The following SGSM1 variants were observed in gnomAD, a reference collection of about 807,000 sequenced individuals.
SGSM1 encodes small G protein signaling modulator 1.
Under a neutral mutation model 133.8 loss-of-function variants are expected in SGSM1, and 73 were observed. The ratio of observed to expected loss-of-function variants is 0.55; its 90% CI spans 0.45 to 0.66. The LOEUF (loss-of-function observed/expected upper bound fraction) is 0.66. Ranked by LOEUF, SGSM1 falls within the 30% of genes least tolerant of loss-of-function variation. The pLI is 0.00. For missense variants in SGSM1, 1,213 were observed against 1,448.1 expected (o/e 0.84, Z 2.64); for synonymous variants, 563 against 573.0 (o/e 0.98, Z 0.25).
chr22:24,893,114 C>T (rs991042670), intron 16 of SGSM1, among the ~76,000 whole-genome samples: 4 of 151,912 alleles, frequency 2.6e-5, no homozygotes, highest in Non-Finnish European at 5.9e-5. Flanking sequence ...TAGAAACAGT[C>T]TTCTCACTTT....
chr22:24,916,730 A>G (rs904410509), intron 22 of SGSM1, among the ~76,000 whole-genome samples: 8 of 152,132 alleles, frequency 5.3e-5, no homozygotes, highest in African/African-American at 1.9e-4. Context: ...TTACGAGATA[A>G]TATTAAATTA....
chr22:24,849,501 C>T (rs745527703), intron 4 of SGSM1, among the ~76,000 whole-genome samples: 16 of 152,022 alleles, frequency 1.1e-4, no homozygotes, highest in Admixed American at 2.0e-4. Context: ...TGTGGTGAGC[C>T]GAATTGTGCC....
chr22:24,841,048 C>T (rs1016994937), intron 2 of SGSM1, among the ~76,000 whole-genome samples: 12 of 152,036 alleles, frequency 7.9e-5, no homozygotes, highest in African/African-American at 2.7e-4. Context: ...GACGGGGTTT[C>T]ACCGTGTTAG....
intron 16 of SGSM1, among the ~76,000 whole-genome samples, chr22:24,893,082 A>AG (rs901858494): frequency 3.1e-4 from 43 of 136,968 alleles, no homozygotes; most frequent in South Asian, 7.9e-4. Context: ...AAGGAAGCGG[A>AG]GGGGGGGGAG....
chr22:24,921,077 T>C (rs9620460), intron 24 of SGSM1, among the ~76,000 whole-genome samples: 29,256 of 152,052 alleles, frequency 0.19, 2,926 homozygotes, highest in South Asian at 0.28. Context: ...TTTCACTTAA[T>C]ATTTCAACTA....
chr22:24,808,648 A>C (rs757440555), intron 2 of SGSM1, among the ~76,000 whole-genome samples: 1 of 152,202 alleles, frequency 6.6e-6, no homozygotes, highest in Non-Finnish European at 1.5e-5. Context: ...CATCTGGGGA[A>C]GGCTCTGGCT....
chr22:24,897,861 G>T, intron 18 of SGSM1, 111 bp from the exon 19 acceptor site: 3 of 940,576 alleles, frequency 3.2e-6, no homozygotes, highest in Non-Finnish European at 4.9e-6. Flanking sequence ...TCCACTGCAT[G>T]CTTGATCCAT....
rs374936676 is a variant in SGSM1 at position 24,859,701 on chromosome 22, C to G, written c.802-15C>G. On this transcript the variant is annotated splice_polypyrimidine_tract_variant and intron_variant, in intron 8 of 24. Coordinates refer to ENST00000400358, the MANE Select transcript of SGSM1 (RefSeq NM_001098497.3). ...CCAGCACCATGGCCAGACCTGAGTC[C>G]TCCTCTCTCTGCAGAGGGACGACAT... 1.5e-5 allele frequency: 25 copies of G among 1,613,376 alleles called. No homozygotes were observed. In the Middle Eastern group the frequency reaches 4.9e-4, roughly 32 times the overall value.
chr22:24,808,822 G>T (rs551818791), intron 2 of SGSM1, among the ~76,000 whole-genome samples: 1 of 152,264 alleles, frequency 6.6e-6, no homozygotes, highest in Non-Finnish European at 1.5e-5. Context: ...CTCAAAGAGG[G>T]GGAATAACTT....
intron 9 of SGSM1, among the ~76,000 whole-genome samples, chr22:24,862,248 C>A (rs1337076644): frequency 2.0e-5 from 3 of 152,174 alleles, no homozygotes; most frequent in African/African-American, 7.2e-5. Flanking sequence ...CCGCACCCGG[C>A]CACCCAGAGT....
intron 9 of SGSM1, among the ~76,000 whole-genome samples, chr22:24,861,600 T>C (rs962469093): frequency 1.3e-5 from 2 of 151,950 alleles, no homozygotes; most frequent in Non-Finnish European, 1.5e-5. Context: ...CAGGCTGGAA[T>C]GCAGTGGCGC....
At chr22:24,894,307 C>T (rs1347362436) in intron 17 of SGSM1, among the ~76,000 whole-genome samples, 1 of 152,206 alleles carries the variant, frequency 6.6e-6, no homozygotes, top group Non-Finnish European at 1.5e-5. Context: ...GCAGGAGAAT[C>T]ACTTAAACCC....
At chr22:24,905,678 A>G (rs1356213669) in intron 21 of SGSM1, among the ~76,000 whole-genome samples, 1 of 151,658 alleles carries the variant, frequency 6.6e-6, no homozygotes, top group Non-Finnish European at 1.5e-5. Flanking sequence ...AGTCCCAGCT[A>G]CTCAGGAGGC....
At chr22:24,809,678 G>T (rs1927618998) in intron 2 of SGSM1, among the ~76,000 whole-genome samples, 1 of 152,194 alleles carries the variant, frequency 6.6e-6, no homozygotes, top group African/African-American at 2.4e-5. Context: ...CCTGGGCTAG[G>T]TTCTGTGGAT....
intron 21 of SGSM1, among the ~76,000 whole-genome samples, chr22:24,908,296 C>G (rs4450727): frequency 6.6e-6 from 1 of 151,358 alleles, no homozygotes; most frequent in African/African-American, 2.4e-5. Flanking sequence ...TCACCTTGGG[C>G]TAGGGAATTT....
intron 3 of SGSM1, 146 bp downstream of exon 3, chr22:24,845,118 A>G (rs1426593133): frequency 1.4e-6 from 1 of 736,004 alleles, no homozygotes; most frequent in Non-Finnish European, 2.3e-6. Context: ...GAAAATACAG[A>G]ACAGTGTAGA....
chr22:24,854,399 C>A (rs926009764), intron 5 of SGSM1, among the ~76,000 whole-genome samples: 1 of 152,184 alleles, frequency 6.6e-6, no homozygotes, highest in African/African-American at 2.4e-5. Flanking sequence ...GCCAGGCCTC[C>A]ACAACCTGCT....
intron 22 of SGSM1, among the ~76,000 whole-genome samples, chr22:24,914,395 G>C (rs537990240): frequency 1.3e-5 from 2 of 151,622 alleles, no homozygotes; most frequent in South Asian, 2.1e-4. Flanking sequence ...AGAATTGCTT[G>C]AACCCGGTAG....
At position 24,874,661 on chromosome 22, in the gene SGSM1, G is replaced by A. The variant is rs1467296746; in HGVS notation, c.1292-1916G>A. 7.5e-6 allele frequency: 11 copies of A among 1,461,080 alleles called. No individual in the cohort carries two copies. In the Admixed American group the frequency reaches 2.5e-4, roughly 33 times the overall value. The allele number at this position is 1,461,080 out of a possible 1,614,324, so 90.5% of individuals were successfully genotyped here. ...TTGTCATTTGAGTTCTGGTCCCAAG[G>A]GAGATGGAGGCAGGAAGGGAGATGG... is the stretch of plus-strand genomic sequence containing the variant. On this transcript the variant is annotated intron_variant, in intron 12 of 24. Transcript: ENST00000400358.
Sources: gnomAD v4.1 joint callset for allele counts (sites outside exome capture counted in the v4.1 genomes callset) on GRCh38, gnomAD v4.1.1 for gene constraint, MANE v1.5 for transcripts, NCBI Gene and HGNC (gene_info 2026-07-23, HGNC 2026-07-21) for gene names.